ATRX: variants seen among roughly 807,000 people sequenced by gnomAD.
The protein encoded by ATRX is ATRX chromatin remodeler, also known as chromatin remodeler ATRX.
Under a neutral mutation model 172.6 loss-of-function variants are expected in ATRX, and 12 were observed. The ratio of observed to expected loss-of-function variants is 0.07; its 90% confidence interval spans 0.04 to 0.11. The LOEUF is 0.11. ATRX is among the 10% of genes least tolerant of loss of function. The pLI is 1.00. For missense variants in ATRX, 1,368 were observed against 1,767.4 expected, an observed-to-expected ratio of 0.77 and a Z score of 4.05; for synonymous variants, 674 against 594.7, an observed-to-expected ratio of 1.13 and a Z score of -1.94.
chrX:77,696,709 G>A lies in ATRX; in HGVS notation c.243-5C>T. The A allele has an allele frequency of 1.7e-6, 2 of 1,190,053 alleles. No homozygotes were observed. The highest frequency in any genetic ancestry group is 2.3e-6 in the Non-Finnish European group (2 of 876,976). ...TTTGTTACAATTGAAGGTTTCCTAT[G>A]AAAGAATTAAGTTCATAGAATTATG... On this transcript the variant is annotated splice_polypyrimidine_tract_variant and splice_region_variant and intron_variant, in intron 4 of 34. Transcript: ENST00000373344.
chrX:77,689,839 A>G (rs1394643543), intron 6 of ATRX, among the ~76,000 whole-genome samples: 1 of 112,266 alleles, frequency 8.9e-6, no homozygotes, highest in Non-Finnish European at 1.9e-5. Flanking sequence ...CTGATGTGCA[A>G]CCAAGACCTT....
At chrX:77,750,229 G>A (rs1329103318) in intron 1 of ATRX, among the ~76,000 whole-genome samples, 2 of 111,185 alleles carry the variant, frequency 1.8e-5, no homozygotes, top group Non-Finnish European at 3.8e-5. Flanking sequence ...GAGTGTACAG[G>A]AAAAAAACAT....
At chrX:77,696,185 C>G (rs1377408111) in intron 5 of ATRX, among the ~76,000 whole-genome samples, 1 of 111,972 alleles carries the variant, frequency 8.9e-6, no homozygotes, top group Non-Finnish European at 1.9e-5. Flanking sequence ...CTAAACTAGA[C>G]TGTACATGAT....
At chrX:77,603,848 C>A (rs2066784525) in intron 22 of ATRX, among the ~76,000 whole-genome samples, 1 of 111,503 alleles carries the variant, frequency 9.0e-6, no homozygotes, top group South Asian at 3.8e-4. Flanking sequence ...GTCAACTGAC[C>A]TTTGACAAAG....
chrX:77,552,250 G>C (rs1557056654), intron 30 of ATRX, among the ~76,000 whole-genome samples: 1 of 110,328 alleles, frequency 9.1e-6, no homozygotes, highest in Non-Finnish European at 1.9e-5. Flanking sequence ...AAGAAAATGT[G>C]GCACATATAC....
At chrX:77,608,985 A>G (rs1440125427) in intron 22 of ATRX, among the ~76,000 whole-genome samples, 3 of 112,416 alleles carry the variant, frequency 2.7e-5, no homozygotes, top group African/African-American at 9.7e-5. Context: ...TAGGTATAAG[A>G]AAAGGTACTC....
intron 27 of ATRX, among the ~76,000 whole-genome samples, chrX:77,589,587 T>C (rs2066159532): frequency 8.9e-6 from 1 of 112,015 alleles, no homozygotes; most frequent in Admixed American, 9.5e-5. Flanking sequence ...TTCACTACAG[T>C]AGCCATTTTA....
Position 77,783,095 on chromosome X carries a change from G to A in ATRX, c.20+2887C>T, listed in dbSNP as rs782559824. ...CTAAAAATACAAAAATTAGCCAGGC[G>A]TGGTGGCACACACCTGTTAATCCCA... On this transcript the variant is annotated intron_variant, in intron 1 of 34. Transcript: ENST00000373344. Among the ~76,000 whole-genome samples, 6 of 111,163 alleles carry A rather than the reference G, an allele frequency of 5.4e-5. No homozygotes were observed. In the East Asian group the frequency reaches 8.5e-4, roughly 16 times the overall value.
intron 1 of ATRX, among the ~76,000 whole-genome samples, chrX:77,762,812 G>C (rs1449962653): frequency 9.0e-6 from 1 of 111,073 alleles, no homozygotes; most frequent in East Asian, 2.8e-4. Flanking sequence ...AAGCTTTGCT[G>C]TAAGTTTTAA....
At chrX:77,609,979 TAAATA>T (rs1415149678) in intron 22 of ATRX, among the ~76,000 whole-genome samples, 4 of 111,957 alleles carry the variant, frequency 3.6e-5, no homozygotes, top group Non-Finnish European at 5.6e-5. Flanking sequence ...CACTTTAAAA[TAAATA>T]AAATAATATA....
In ATRX at chrX:77,566,213, A is replaced by G. The variant is rs782032610; in HGVS notation, c.6327-7367T>C. Among the ~76,000 whole-genome samples the G allele has an allele frequency of 9.8e-5, 11 of 111,721 alleles. No individual in the cohort carries two copies. The South Asian group carries it at 4.1e-3, about 42-fold the overall frequency. On this transcript the variant is annotated intron_variant, in intron 28 of 34. Coordinates refer to ENST00000373344, the MANE Select transcript of ATRX (RefSeq NM_000489.6). ...AACCCAAACAAATACGTGACAAAAT[A>G]TATCAGTCATCTTCCAAAAACGTAG...
At chrX:77,740,313 C>A (rs1430155905) in intron 1 of ATRX, among the ~76,000 whole-genome samples, 1 of 110,286 alleles carries the variant, frequency 9.1e-6, no homozygotes, top group Non-Finnish European at 1.9e-5. Context: ...TAGAAACTGA[C>A]AACTTCTGGA....
chrX:77,565,385 C>T (rs79971920), intron 28 of ATRX, among the ~76,000 whole-genome samples: 2,909 of 111,709 alleles, frequency 0.026, 184 homozygotes, highest in East Asian at 0.25. Context: ...TCAAGTTCAA[C>T]GAGAAAAGAC....
chrX:77,592,783 G>A (rs782353930), intron 26 of ATRX, among the ~76,000 whole-genome samples: 1 of 108,974 alleles, frequency 9.2e-6, no homozygotes, highest in African/African-American at 3.4e-5. Flanking sequence ...TTGCACTCCC[G>A]CCTGGGCAAC....
chrX:77,612,883 A>G (rs1557094862), intron 22 of ATRX, among the ~76,000 whole-genome samples: 2 of 111,778 alleles, frequency 1.8e-5, no homozygotes, highest in Admixed American at 1.9e-4. Flanking sequence ...ACTTAGCATT[A>G]ATGTCTTCAA....
At chrX:77,741,156 T>A (rs2074850154) in intron 1 of ATRX, among the ~76,000 whole-genome samples, 1 of 110,548 alleles carries the variant, frequency 9.0e-6, no homozygotes, top group African/African-American at 3.3e-5. Flanking sequence ...AAGGCTGCAG[T>A]GAGCCACAGT....
At chrX:77,548,908 T>A (rs1209619609) in intron 30 of ATRX, among the ~76,000 whole-genome samples, 2 of 112,091 alleles carry the variant, frequency 1.8e-5, no homozygotes, top group African/African-American at 6.5e-5. Context: ...CCCATTTTGT[T>A]CTCCCTGTAA....
At chrX:77,610,621 T>C (rs1557093441) in intron 22 of ATRX, among the ~76,000 whole-genome samples, 1 of 111,594 alleles carries the variant, frequency 9.0e-6, no homozygotes, top group East Asian at 2.8e-4. Flanking sequence ...AAATATTTTG[T>C]GGCATTATCT....
rs1346268394 is a variant in ATRX at position 77,616,237 on chromosome X, C to T, written c.5566+376G>A. On this transcript the variant is annotated intron_variant, in intron 22 of 34. Transcript: ENST00000373344. ...CTTTGTTAATTAAATAACTGAGAAACAAACTCATGAATTTAACTTATACAC... is the reference window on the plus strand; with the variant it reads ...CTTTGTTAATTAAATAACTGAGAAATAAACTCATGAATTTAACTTATACAC... 11 of 842,153 alleles carry T rather than the reference C, an allele frequency of 1.3e-5. No homozygotes were observed. In the Admixed American group the frequency reaches 5.9e-4, roughly 45 times the overall value. 69.4% of individuals were successfully genotyped at this position (842,153 alleles called of 1,213,427 possible).
Sources: allele counts gnomAD v4.1 joint callset (sites outside exome capture counted in the v4.1 genomes callset), GRCh38; gene constraint gnomAD v4.1.1; transcripts MANE v1.5; gene names NCBI Gene and HGNC (gene_info 2026-07-23, HGNC 2026-07-21).